Variants in CNTNAP2 observed in about 807,000 individuals in gnomAD.
CNTNAP2 encodes contactin-associated protein-like 2.
In CNTNAP2, 98 loss-of-function variants were observed where a neutral mutation model predicts 155.2. The ratio of observed to expected loss-of-function variants is 0.63; its 90% confidence interval spans 0.54 to 0.75. CNTNAP2 has a LOEUF of 0.75. CNTNAP2 is among the 30% of genes least tolerant of loss of function. The pLI is 0.00. For synonymous variants in CNTNAP2, 651 were observed against 631.2 expected, an observed-to-expected ratio of 1.03 and a Z score of -0.47; for missense variants, 1,727 against 1,688.1, an observed-to-expected ratio of 1.02 and a Z score of -0.40.
intron 18 of CNTNAP2, among the ~76,000 whole-genome samples, chr7:148,200,940 A>G (rs1795360901): frequency 6.6e-6 from 1 of 152,134 alleles, no homozygotes; most frequent in African/African-American, 2.4e-5. Context: ...AGCCTTTGTA[A>G]TTGGTGCTGA....
rs73469091 is a variant in CNTNAP2 at position 147,093,726 on chromosome 7, A to G, written c.551-14421A>G. 9.3e-3 allele frequency among the ~76,000 whole-genome samples: 1,409 copies of G among 152,146 alleles called. 21 individuals carry two copies. The highest frequency in any genetic ancestry group is 0.032 in the African/African-American group (1,339 of 41,496). ...ATTTCAACATCAATTTTAAATTCTA[A>G]CTCCAAAGTCTCATCTAAATAACAT... On this transcript the variant is annotated intron_variant, in intron 4 of 23. Coordinates refer to ENST00000361727, the MANE Select transcript of CNTNAP2 (RefSeq NM_014141.6).
intron 1 of CNTNAP2, among the ~76,000 whole-genome samples, chr7:146,487,821 G>A (rs767861003): frequency 6.6e-5 from 10 of 152,140 alleles, no homozygotes; most frequent in Non-Finnish European, 1.2e-4. Context: ...GCAGGCAAGA[G>A]CCCAGCTCCA....
At chr7:148,016,051 G>C (rs984312183) in intron 15 of CNTNAP2, among the ~76,000 whole-genome samples, 8 of 152,204 alleles carry the variant, frequency 5.3e-5, no homozygotes, top group African/African-American at 1.9e-4. Flanking sequence ...TGAGAAAACT[G>C]ACAGGTCCTG....
At chr7:146,958,898 T>A (rs925403280) in intron 3 of CNTNAP2, among the ~76,000 whole-genome samples, 2 of 152,150 alleles carry the variant, frequency 1.3e-5, no homozygotes, top group African/African-American at 2.4e-5. Flanking sequence ...CCTCTTCTTA[T>A]CATTTTTCTT....
intron 3 of CNTNAP2, among the ~76,000 whole-genome samples, chr7:146,952,590 T>C (rs7796813): frequency 0.37 from 55,864 of 151,950 alleles, 10,774 homozygotes; most frequent in Middle Eastern, 0.44. Context: ...TCTCAGGATA[T>C]AAAATCAATG....
At chr7:148,379,549 A>C (rs35069843) in intron 21 of CNTNAP2, among the ~76,000 whole-genome samples, 1 of 151,590 alleles carries the variant, frequency 6.6e-6, no homozygotes, top group Non-Finnish European at 1.5e-5. Context: ...ACAAAAAAAT[A>C]CTAAAAAAAA....
chr7:146,979,470 CT>C (rs1407573407), intron 3 of CNTNAP2, among the ~76,000 whole-genome samples: 2 of 152,186 alleles, frequency 1.3e-5, no homozygotes, highest in African/African-American at 4.8e-5. Flanking sequence ...TAACAACACC[CT>C]TGCCCCACAA....
intron 1 of CNTNAP2, among the ~76,000 whole-genome samples, chr7:146,676,088 A>G (rs1800393618): frequency 6.6e-6 from 1 of 152,190 alleles, no homozygotes; most frequent in Non-Finnish European, 1.5e-5. Flanking sequence ...CTTGTGTTCT[A>G]TAATATTCTA....
intron 15 of CNTNAP2, among the ~76,000 whole-genome samples, chr7:148,088,184 A>G (rs965900901): frequency 2.0e-5 from 3 of 151,996 alleles, no homozygotes; most frequent in African/African-American, 7.2e-5. Context: ...TCCCACCTCC[A>G]ATGAATTAGT....
chr7:146,375,380 A>G (rs1179417621), intron 1 of CNTNAP2, among the ~76,000 whole-genome samples: 2 of 152,202 alleles, frequency 1.3e-5, no homozygotes, highest in Admixed American at 1.3e-4. Context: ...ACAATCACAG[A>G]TAATCTTCTT....
intron 1 of CNTNAP2, among the ~76,000 whole-genome samples, chr7:146,648,429 A>C (rs1412959477): frequency 2.0e-5 from 3 of 152,132 alleles, no homozygotes; most frequent in Admixed American, 6.6e-5. Context: ...AATTAGAAAA[A>C]CTTTTTACCT....
At chr7:147,793,763 C>A (rs1367914330) in intron 13 of CNTNAP2, among the ~76,000 whole-genome samples, 1 of 151,950 alleles carries the variant, frequency 6.6e-6, no homozygotes, top group Non-Finnish European at 1.5e-5. Context: ...AGGGAGAAGT[C>A]CCATATAAAC....
chr7:146,924,404 A>G (rs1796564609), intron 3 of CNTNAP2, among the ~76,000 whole-genome samples: 1 of 152,126 alleles, frequency 6.6e-6, no homozygotes, highest in Admixed American at 6.6e-5. Context: ...TGGAATCCCT[A>G]CAGCCTCCCT....
intron 3 of CNTNAP2, among the ~76,000 whole-genome samples, chr7:147,014,965 C>G (rs552142681): frequency 3.3e-5 from 5 of 151,992 alleles, no homozygotes; most frequent in South Asian, 2.1e-4. Flanking sequence ...GAAAAAGAAG[C>G]CTTACTACAA....
At chr7:146,541,382 A>C (rs1012361335) in intron 1 of CNTNAP2, among the ~76,000 whole-genome samples, 8 of 151,902 alleles carry the variant, frequency 5.3e-5, no homozygotes, top group African/African-American at 1.9e-4. Context: ...TGGATTTAAC[A>C]CTCTAAGATA....
intron 16 of CNTNAP2, among the ~76,000 whole-genome samples, chr7:148,125,852 C>G (rs1407670325): frequency 1.3e-5 from 2 of 151,870 alleles, no homozygotes; most frequent in Non-Finnish European, 2.9e-5. Context: ...CAGACATGTG[C>G]CACTATGCCT....
chr7:146,595,180 T>G (rs573426721), intron 1 of CNTNAP2, among the ~76,000 whole-genome samples: 1 of 152,218 alleles, frequency 6.6e-6, no homozygotes, highest in African/African-American at 2.4e-5. Context: ...ACAAGGATAT[T>G]ACTTGGCATA....
rs528718035 is a variant in CNTNAP2 at position 147,671,069 on chromosome 7, G to A, written c.2098+31763G>A. 7.9e-5 allele frequency among the ~76,000 whole-genome samples: 12 copies of A among 152,284 alleles called. No individual in the cohort carries two copies. In the South Asian group the frequency reaches 1.9e-3, roughly 24 times the overall value. ...TCTCGGCTCCTGCCTCCACTTACCC[G>A]TGTGCTCCTTCCCATGAGTGGTGGA... On this transcript the variant is annotated intron_variant, in intron 13 of 23. Coordinates refer to ENST00000361727, the MANE Select transcript of CNTNAP2 (RefSeq NM_014141.6).
chr7:146,186,951 A>T (rs927441110), intron 1 of CNTNAP2, among the ~76,000 whole-genome samples: 2 of 152,200 alleles, frequency 1.3e-5, no homozygotes. Flanking sequence ...GCCAGAAATC[A>T]GTCTCTTATA....
Sources: gnomAD v4.1 joint callset for allele counts (sites outside exome capture counted in the v4.1 genomes callset) on GRCh38, gnomAD v4.1.1 for gene constraint, MANE v1.5 for transcripts, NCBI Gene and HGNC (gene_info 2026-07-23, HGNC 2026-07-21) for gene names.